KIAA1671: variants seen among roughly 807,000 people sequenced by gnomAD.
KIAA1671 encodes KIAA1671.
KIAA1671 carries 52 observed loss-of-function variants against 131.2 expected under a neutral mutation model. That is an observed-to-expected ratio of 0.40 (90% confidence interval 0.32 to 0.50). The LOEUF (loss-of-function observed/expected upper bound fraction) is 0.50, where lower values mean the gene tolerates loss of function less well. KIAA1671 is among the 20% of genes least tolerant of loss of function. KIAA1671 has a pLI of 0.73. For missense variants in KIAA1671, 2,360 were observed against 2,364.2 expected (o/e 1.00, Z 0.04); for synonymous variants, 1,003 against 961.6 (o/e 1.04, Z -0.80).
chr22:25,126,212 C>T (rs1377937349), intron 6 of KIAA1671, among the ~76,000 whole-genome samples: 2 of 152,220 alleles, frequency 1.3e-5, no homozygotes, highest in South Asian at 4.1e-4. Context: ...TCTGCCAAAG[C>T]CAGAAGTTAT....
chr22:24,954,061 G>A (rs987458126), intron 1 of KIAA1671, among the ~76,000 whole-genome samples: 1 of 151,954 alleles, frequency 6.6e-6, no homozygotes, highest in African/African-American at 2.4e-5. Flanking sequence ...CTCCTTTCCC[G>A]TGCCCCATCC....
At chr22:25,125,417 G>A (rs1347548316) in intron 6 of KIAA1671, among the ~76,000 whole-genome samples, 3 of 152,182 alleles carry the variant, frequency 2.0e-5, no homozygotes, top group Admixed American at 2.0e-4. Flanking sequence ...GTTGCCCAGA[G>A]TCACCTAGTT....
intron 6 of KIAA1671, among the ~76,000 whole-genome samples, chr22:25,147,881 C>T (rs1932913226): frequency 6.6e-6 from 1 of 152,106 alleles, no homozygotes; most frequent in African/African-American, 2.4e-5. Context: ...TCTGTTTTTC[C>T]ATTTTTGTAG....
At chr22:25,101,313 G>T (rs1335172439) in intron 6 of KIAA1671, among the ~76,000 whole-genome samples, 1 of 152,214 alleles carries the variant, frequency 6.6e-6, no homozygotes, top group Non-Finnish European at 1.5e-5. Flanking sequence ...AAGAGGCCTG[G>T]CTCTTGGAAG....
At chr22:25,107,528 G>A (rs1041041870) in intron 6 of KIAA1671, among the ~76,000 whole-genome samples, 19 of 134,106 alleles carry the variant, frequency 1.4e-4, no homozygotes, top group African/African-American at 5.3e-4. Flanking sequence ...GGGCTGGAGT[G>A]CAGTGGTGTG....
Position 25,063,416 on chromosome 22 carries a change from AGACG to A in KIAA1671, c.4530+14055_4530+14058del, listed in dbSNP as rs1356660466. On this transcript the variant is annotated intron_variant, in intron 6 of 12. Coordinates refer to ENST00000358431, the MANE Select transcript of KIAA1671 (RefSeq NM_001145206.2). ...GGAATAATGTCTTCTGCAGCAACTT[AGACG>A]GAGCTGGAGACCATTATTCTGAGCG... 6 of 152,334 alleles carry A rather than the reference AGACG, an allele frequency of 3.9e-5. No homozygotes were observed. The East Asian group carries it at 9.6e-4, about 24-fold the overall frequency. 9.4% of individuals were successfully genotyped at this position (152,334 alleles called of 1,614,324 possible). A position where few individuals can be genotyped will look rare whatever the true frequency, so the allele number is the denominator to read the frequency against.
At chr22:25,049,670 G>A (rs1171271931) in intron 6 of KIAA1671, 3 of 293,640 alleles carry the variant, frequency 1.0e-5, no homozygotes, top group South Asian at 1.4e-4. Flanking sequence ...ATCCCAGCAC[G>A]GTCTCCTGTC....
chr22:25,175,976 A>C (rs1029899296), intron 8 of KIAA1671: 2 of 152,182 alleles, frequency 1.3e-5, no homozygotes, highest in African/African-American at 2.4e-5. Context: ...TTGGAGGCCA[A>C]ATGGGGAGGC....
At chr22:25,136,861 G>A (rs1601347017) in intron 6 of KIAA1671, among the ~76,000 whole-genome samples, 1 of 152,244 alleles carries the variant, frequency 6.6e-6, no homozygotes, top group Middle Eastern at 3.4e-3. Flanking sequence ...CCTAGTTGGG[G>A]GATAGACAAG....
chr22:25,190,216 G>A (rs1320565110), intron 11 of KIAA1671, among the ~76,000 whole-genome samples: 1 of 152,110 alleles, frequency 6.6e-6, no homozygotes, highest in Non-Finnish European at 1.5e-5. Flanking sequence ...ACGGGAGACA[G>A]TGACAGATCA....
At chr22:24,969,910 G>C (rs550449090) in intron 1 of KIAA1671, among the ~76,000 whole-genome samples, 1 of 152,302 alleles carries the variant, frequency 6.6e-6, no homozygotes, top group Admixed American at 6.5e-5. Context: ...TTCTATGGAT[G>C]CTGTAATTGA....
chr22:25,093,849 TC>T (rs1196690530), intron 6 of KIAA1671, among the ~76,000 whole-genome samples: 20 of 123,806 alleles, frequency 1.6e-4, no homozygotes, highest in African/African-American at 3.4e-4. Context: ...TCTCTCTCTC[TC>T]TCTCTCTCTC....
intron 1 of KIAA1671, among the ~76,000 whole-genome samples, chr22:24,963,723 G>A (rs879869652): frequency 1.5e-4 from 22 of 150,720 alleles, no homozygotes; most frequent in Non-Finnish European, 3.0e-4. Flanking sequence ...GGCAGATCAC[G>A]AGGTCAGGAG....
At chr22:25,174,156 C>A (rs1933942348) in intron 7 of KIAA1671, 84 bp from the exon 8 acceptor site, 1 of 1,433,014 alleles carries the variant, frequency 7.0e-7, no homozygotes, top group Admixed American at 2.1e-5. Context: ...CCAAGCTATG[C>A]TGCCTGCAGC....
chr22:24,957,207 G>C (rs188119375), intron 1 of KIAA1671, among the ~76,000 whole-genome samples: 3 of 152,224 alleles, frequency 2.0e-5, no homozygotes, highest in Admixed American at 1.3e-4. Context: ...TGGGGGGAGA[G>C]AGGGAGTGAC....
At chr22:25,115,753 A>G (rs1041555344) in intron 6 of KIAA1671, among the ~76,000 whole-genome samples, 2 of 152,074 alleles carry the variant, frequency 1.3e-5, no homozygotes, top group Non-Finnish European at 2.9e-5. Flanking sequence ...TAATTCACTC[A>G]TATTTTCATT....
chr22:25,168,439 C>T (rs1933721906), intron 6 of KIAA1671, among the ~76,000 whole-genome samples: 1 of 152,204 alleles, frequency 6.6e-6, no homozygotes, highest in Non-Finnish European at 1.5e-5. Flanking sequence ...GCCTGGAATC[C>T]CAGCACTGCG....
intron 1 of KIAA1671, among the ~76,000 whole-genome samples, chr22:24,984,704 G>A (rs1288846231): frequency 6.6e-6 from 1 of 152,072 alleles, no homozygotes; most frequent in African/African-American, 2.4e-5. Context: ...ATGAGGTCGG[G>A]AGATTGAGAC....
intron 1 of KIAA1671, chr22:25,023,780 A>G (rs1275068133): frequency 5.9e-5 from 9 of 152,122 alleles, no homozygotes; most frequent in Non-Finnish European, 1.0e-4. Flanking sequence ...CCCCGTCTCT[A>G]CCAAAAATAT....
Sources: allele counts gnomAD v4.1 joint callset (sites outside exome capture counted in the v4.1 genomes callset), GRCh38; gene constraint gnomAD v4.1.1; transcripts MANE v1.5; gene names NCBI Gene and HGNC (gene_info 2026-07-23, HGNC 2026-07-21).